The following CACNA2D1 variants were observed in gnomAD, a reference collection of about 807,000 sequenced individuals.
CACNA2D1 encodes the protein voltage-dependent calcium channel subunit alpha-2/delta-1.
Under a neutral mutation model 171.5 loss-of-function variants are expected in CACNA2D1, and 53 were observed. That is an observed-to-expected ratio of 0.31 (90% CI 0.25 to 0.39). CACNA2D1 has a LOEUF of 0.39. Among genes scored for constraint, CACNA2D1 ranks in the 10% least tolerant of loss-of-function variants. CACNA2D1 has a pLI of 1.00. For synonymous variants in CACNA2D1, 442 were observed against 443.1 expected (o/e 1.00, Z 0.03); for missense variants, 903 against 1,299.8 (o/e 0.69, Z 4.69).
chr7:82,117,521 C>G (rs1448097462), intron 5 of CACNA2D1, among the ~76,000 whole-genome samples: 4 of 152,266 alleles, frequency 2.6e-5, no homozygotes, highest in East Asian at 1.9e-4. Context: ...CCCAGTGGCT[C>G]ACGCCTGTAA....
At chr7:82,398,827 C>T (rs553780684) in intron 1 of CACNA2D1, among the ~76,000 whole-genome samples, 56 of 152,118 alleles carry the variant, frequency 3.7e-4, no homozygotes, top group African/African-American at 1.2e-3. Context: ...GATTCTCCTG[C>T]CTCACCCTCC....
At chr7:82,035,293 T>C (rs958547739) in intron 11 of CACNA2D1, among the ~76,000 whole-genome samples, 9 of 151,882 alleles carry the variant, frequency 5.9e-5, no homozygotes, top group African/African-American at 2.2e-4. Context: ...CTGATATGTC[T>C]AATGCTATTT....
intron 3 of CACNA2D1, among the ~76,000 whole-genome samples, chr7:82,223,207 G>C (rs898811798): frequency 6.6e-6 from 1 of 152,018 alleles, no homozygotes; most frequent in Admixed American, 6.6e-5. Flanking sequence ...CGCTCAGCCA[G>C]TACTTTGCTT....
intron 4 of CACNA2D1, among the ~76,000 whole-genome samples, chr7:82,140,029 G>C (rs1400849027): frequency 1.3e-5 from 2 of 151,558 alleles, no homozygotes; most frequent in Non-Finnish European, 2.9e-5. Flanking sequence ...GACCTCAAGT[G>C]ATCTGCCTGC....
chr7:82,156,571 T>C (rs1238543450), intron 4 of CACNA2D1, among the ~76,000 whole-genome samples: 2 of 152,182 alleles, frequency 1.3e-5, no homozygotes, highest in Non-Finnish European at 2.9e-5. Context: ...CCCCATTTTA[T>C]TTGACTGTAT....
chr7:82,216,712 G>A (rs150906816), intron 3 of CACNA2D1, among the ~76,000 whole-genome samples: 43 of 151,910 alleles, frequency 2.8e-4, no homozygotes, highest in Non-Finnish European at 5.7e-4. Context: ...AGACCAAGAC[G>A]CCTAGCAAAA....
chr7:82,039,409 A>T (rs1481796547), intron 10 of CACNA2D1, among the ~76,000 whole-genome samples: 1 of 152,182 alleles, frequency 6.6e-6, no homozygotes, highest in Non-Finnish European at 1.5e-5. Flanking sequence ...ATCTGCACAC[A>T]CAAAAATACC....
Position 82,117,111 on chromosome 7 carries a change from A to T in CACNA2D1, c.459T>A (p.Ala153=). Residue 153 remains alanine (A), a synonymous_variant, in exon 6 of 39, where the codon GCT becomes GCA. Transcript: ENST00000356860. ...GATAAGATATTTGTCGTCCAAAATT[A>T]GCATCTTCAATGAAAACAGGTTTTA... ...QRIKPVFIED[A]NFGRQISYQH... is the part of the protein sequence containing the mutation. 1 of 1,613,912 alleles carries T rather than the reference A, an allele frequency of 6.2e-7. No homozygotes were observed. Among genetic ancestry groups the T allele is most frequent in the Non-Finnish European group, 8.5e-7 (1 of 1,179,852 alleles).
At chr7:82,271,253 G>C (rs1808595952) in intron 3 of CACNA2D1, among the ~76,000 whole-genome samples, 1 of 151,950 alleles carries the variant, frequency 6.6e-6, no homozygotes, top group Admixed American at 6.6e-5. Flanking sequence ...ACTTTCTCTA[G>C]AAACTAGATC....
At chr7:82,073,693 T>C (rs947374116) in intron 7 of CACNA2D1, among the ~76,000 whole-genome samples, 1 of 152,152 alleles carries the variant, frequency 6.6e-6, no homozygotes, top group Non-Finnish European at 1.5e-5. Context: ...CTCTGCCTCC[T>C]GGGTTCAAGT....
At chr7:82,058,377 T>C (rs908592870) in intron 10 of CACNA2D1, among the ~76,000 whole-genome samples, 1 of 152,186 alleles carries the variant, frequency 6.6e-6, no homozygotes, top group Non-Finnish European at 1.5e-5. Flanking sequence ...CACCTAGATG[T>C]CAAATCTGCA....
At chr7:82,342,111 A>C (rs1161809236) in intron 2 of CACNA2D1, among the ~76,000 whole-genome samples, 3 of 150,898 alleles carry the variant, frequency 2.0e-5, no homozygotes, top group Non-Finnish European at 4.4e-5. Context: ...CTTCACTCTA[A>C]GTAAATTATG....
chr7:82,136,572 A>G, intron 5 of CACNA2D1, 63 bp downstream of exon 5: 1 of 1,275,830 alleles, frequency 7.8e-7, no homozygotes, highest in Non-Finnish European at 1.1e-6. Flanking sequence ...AATTTATTCT[A>G]TATAAGGCCA....
chr7:82,032,210 C>A (rs954655457), intron 12 of CACNA2D1, among the ~76,000 whole-genome samples: 3 of 151,932 alleles, frequency 2.0e-5, no homozygotes, highest in Admixed American at 1.3e-4. Flanking sequence ...ATTCCAACTA[C>A]AAACACTAAT....
At chr7:82,126,092 A>G (rs1790305990) in intron 5 of CACNA2D1, among the ~76,000 whole-genome samples, 1 of 152,212 alleles carries the variant, frequency 6.6e-6, no homozygotes, top group African/African-American at 2.4e-5. Flanking sequence ...AATCTTTATA[A>G]TAACTGAGGT....
chr7:82,100,060 T>TA (rs1046311702), intron 6 of CACNA2D1, among the ~76,000 whole-genome samples: 5 of 151,560 alleles, frequency 3.3e-5, no homozygotes, highest in Non-Finnish European at 5.9e-5. Flanking sequence ...CCCTGGAACT[T>TA]AAAAAAAATA....
chr7:82,434,033 G>A (rs1829921553), intron 1 of CACNA2D1, among the ~76,000 whole-genome samples: 1 of 152,208 alleles, frequency 6.6e-6, no homozygotes, highest in African/African-American at 2.4e-5. Context: ...GGCTTCAAAG[G>A]AGAAAGCATA....
intron 5 of CACNA2D1, among the ~76,000 whole-genome samples, chr7:82,124,511 C>T (rs943099002): frequency 6.6e-6 from 1 of 152,134 alleles, no homozygotes; most frequent in African/African-American, 2.4e-5. Context: ...TGTAACTTCA[C>T]TTTCAGCCTC....
At chr7:82,062,044 T>C (rs929504374) in intron 9 of CACNA2D1, among the ~76,000 whole-genome samples, 7 of 152,192 alleles carry the variant, frequency 4.6e-5, no homozygotes, top group African/African-American at 1.7e-4. Context: ...TACATCTACA[T>C]CTTAGTAGAA....
Sources: gnomAD v4.1 joint callset for allele counts (sites outside exome capture counted in the v4.1 genomes callset) on GRCh38, gnomAD v4.1.1 for gene constraint, MANE v1.5 for transcripts, NCBI Gene and HGNC (gene_info 2026-07-23, HGNC 2026-07-21) for gene names.